The following MAML2 variants were observed in gnomAD, a reference collection of about 807,000 sequenced individuals.
MAML2 encodes mastermind-like protein 2.
In MAML2, 22 loss-of-function variants were observed where a neutral mutation model predicts 96.1. The ratio of observed to expected loss-of-function variants is 0.23; its 90% CI spans 0.16 to 0.33. MAML2 has a LOEUF of 0.33. Among genes scored for constraint, MAML2 ranks in the 10% least tolerant of loss-of-function variants. The pLI is 1.00. For synonymous variants in MAML2, 561 were observed against 521.3 expected (o/e 1.08, Z -1.04); for missense variants, 1,367 against 1,392.4 (o/e 0.98, Z 0.29).
intron 1 of MAML2, among the ~76,000 whole-genome samples, chr11:96,282,367 C>A (rs921604512): frequency 1.3e-5 from 2 of 152,042 alleles, no homozygotes; most frequent in East Asian, 3.8e-4. Context: ...TTAGCTCAAG[C>A]AATTTGAGTG....
chr11:96,076,412 C>T (rs1416984823), intron 2 of MAML2, among the ~76,000 whole-genome samples: 1 of 144,330 alleles, frequency 6.9e-6, no homozygotes, highest in Non-Finnish European at 1.5e-5. Context: ...AGGCTGCTCT[C>T]TTTTGTCTCT....
intron 1 of MAML2, among the ~76,000 whole-genome samples, chr11:96,335,781 G>A (rs1863913218): frequency 6.6e-6 from 1 of 152,104 alleles, no homozygotes; most frequent in South Asian, 2.1e-4. Context: ...GGCCCTCCAG[G>A]ATGTGGATCA....
chr11:96,036,384 T>C (rs934384480), intron 2 of MAML2, among the ~76,000 whole-genome samples: 4 of 152,184 alleles, frequency 2.6e-5, no homozygotes, highest in African/African-American at 9.7e-5. Context: ...GGATCTTTCA[T>C]TCATTTTAAA....
At chr11:96,001,162 A>C (rs1297734245) in intron 2 of MAML2, among the ~76,000 whole-genome samples, 1 of 152,150 alleles carries the variant, frequency 6.6e-6, no homozygotes, top group East Asian at 1.9e-4. Context: ...GATGTTACCC[A>C]ATTTTTAAGT....
intron 2 of MAML2, among the ~76,000 whole-genome samples, chr11:96,049,343 C>T (rs1039394611): frequency 6.6e-6 from 1 of 152,158 alleles, no homozygotes; most frequent in Non-Finnish European, 1.5e-5. Flanking sequence ...CTTTGTCTCA[C>T]ATATATTTTC....
In MAML2 at chr11:96,043,167, G is replaced by A. The variant is rs550371089; in HGVS notation, c.2139+48725C>T. 3.0e-4 allele frequency among the ~76,000 whole-genome samples: 45 copies of A among 152,194 alleles called. 1 individual carries two copies. The highest frequency in any genetic ancestry group is 6.8e-3 in the Middle Eastern group (2 of 294). On this transcript the variant is annotated intron_variant, in intron 2 of 4. Coordinates refer to ENST00000524717, the MANE Select transcript of MAML2 (RefSeq NM_032427.4). ...ATTATTACTTTACTTTTATATCAACGGAAGGAAGGACCAACAGCTAATACT... is the reference window on the plus strand; with the variant it reads ...ATTATTACTTTACTTTTATATCAACAGAAGGAAGGACCAACAGCTAATACT...
At position 96,072,949 on chromosome 11, in the gene MAML2, C is replaced by G. The variant is rs189061576; in HGVS notation, c.2139+18943G>C. 2.7e-3 allele frequency among the ~76,000 whole-genome samples: 406 copies of G among 152,286 alleles called. 2 individuals carry two copies. Among genetic ancestry groups the G allele is most frequent in the African/African-American group, 9.5e-3 (393 of 41,548 alleles). Reference sequence around the variant, plus strand: ...CAGTTAAGTACTTTTAGACCTCAGTCCAAACCCCTTCTCTTAGGATTTGGC... The same window carrying G: ...CAGTTAAGTACTTTTAGACCTCAGTGCAAACCCCTTCTCTTAGGATTTGGC... On this transcript the variant is annotated intron_variant, in intron 2 of 4. Transcript: ENST00000524717.
chr11:96,331,357 T>G lies in MAML2; in HGVS notation c.513+10026A>C, dbSNP rs556068612. ...AAAATATTAATAAAAATACCAAATT[T>G]CCCCTAACTGTTCTTTTTATAGGTT... On this transcript the variant is annotated intron_variant, in intron 1 of 4. Coordinates refer to ENST00000524717, the MANE Select transcript of MAML2 (RefSeq NM_032427.4). 1.1e-3 allele frequency among the ~76,000 whole-genome samples: 173 copies of G among 152,214 alleles called. 1 individual carries two copies. The highest frequency in any genetic ancestry group is 3.9e-3 in the African/African-American group (162 of 41,526).
chr11:96,153,898 C>T (rs1860967433), intron 1 of MAML2, among the ~76,000 whole-genome samples: 1 of 150,226 alleles, frequency 6.7e-6, no homozygotes. Context: ...GACAACAGAG[C>T]AAGACTCCGT....
In MAML2 at chr11:96,054,026, GA is replaced by G. The variant is rs567312731; in HGVS notation, c.2139+37865del. Among the ~76,000 whole-genome samples the G allele has an allele frequency of 1.8e-4, 27 of 150,954 alleles. No homozygotes were observed. The East Asian group carries it at 3.7e-3, about 21-fold the overall frequency. ...TTTACTGTTTTATATTCCATTGGGA[GA>G]AAAAAAAATGAACAATCTTACTTAC... On this transcript the variant is annotated intron_variant, in intron 2 of 4. Transcript: ENST00000524717.
At chr11:96,103,612 C>T (rs567487823) in intron 1 of MAML2, among the ~76,000 whole-genome samples, 2 of 152,290 alleles carry the variant, frequency 1.3e-5, no homozygotes, top group African/African-American at 4.8e-5. Context: ...AGCATTTCTC[C>T]CTTCATCTTC....
chr11:96,137,709 G>A (rs1057107650), intron 1 of MAML2, among the ~76,000 whole-genome samples: 1 of 152,198 alleles, frequency 6.6e-6, no homozygotes, highest in African/African-American at 2.4e-5. Flanking sequence ...AGGGGAGACA[G>A]AAGAAACTGT....
At chr11:96,035,871 GA>G (rs1858703420) in intron 2 of MAML2, among the ~76,000 whole-genome samples, 1 of 152,186 alleles carries the variant, frequency 6.6e-6, no homozygotes, top group South Asian at 2.1e-4. Context: ...AGCTCCATGT[GA>G]CCGTGGGCAA....
intron 1 of MAML2, among the ~76,000 whole-genome samples, chr11:96,149,589 G>A (rs1464080842): frequency 1.3e-5 from 2 of 151,768 alleles, no homozygotes; most frequent in South Asian, 2.1e-4. Context: ...AGAATTAGCC[G>A]GGCATGGTGG....
intron 2 of MAML2, among the ~76,000 whole-genome samples, chr11:95,993,077 T>C (rs1182038697): frequency 6.7e-6 from 1 of 149,270 alleles, no homozygotes; most frequent in Admixed American, 6.7e-5. Flanking sequence ...GGGTGGCTAA[T>C]TTTTAAATTT....
chr11:96,149,969 G>C (rs1407085609), intron 1 of MAML2, among the ~76,000 whole-genome samples: 2 of 152,064 alleles, frequency 1.3e-5, no homozygotes, highest in African/African-American at 4.8e-5. Flanking sequence ...TGACTCCTGA[G>C]TCATCATGGC....
chr11:96,267,585 T>C (rs1862847161), intron 1 of MAML2, among the ~76,000 whole-genome samples: 1 of 152,238 alleles, frequency 6.6e-6, no homozygotes, highest in Non-Finnish European at 1.5e-5. Context: ...CTTCACATTC[T>C]AGGTTCATTA....
chr11:96,054,813 G>T (rs1859037361), intron 2 of MAML2, among the ~76,000 whole-genome samples: 1 of 152,120 alleles, frequency 6.6e-6, no homozygotes, highest in African/African-American at 2.4e-5. Flanking sequence ...TAAATAAAGA[G>T]TTTGAGGATC....
At chr11:96,133,341 T>C (rs1034221536) in intron 1 of MAML2, among the ~76,000 whole-genome samples, 1 of 152,198 alleles carries the variant, frequency 6.6e-6, no homozygotes, top group Non-Finnish European at 1.5e-5. Flanking sequence ...TAAAATATAT[T>C]ACATTTTCTT....
Sources: gnomAD v4.1 joint callset for allele counts (sites outside exome capture counted in the v4.1 genomes callset) on GRCh38, gnomAD v4.1.1 for gene constraint, MANE v1.5 for transcripts, NCBI Gene and HGNC (gene_info 2026-07-23, HGNC 2026-07-21) for gene names.